The following CCNJL variants were observed in gnomAD, a reference collection of about 807,000 sequenced individuals.
The protein encoded by CCNJL is cyclin J like, also known as cyclin-J-like protein.
In CCNJL, 33 loss-of-function variants were observed where a neutral mutation model predicts 33.4. That is an observed-to-expected ratio of 0.99 (90% confidence interval 0.75 to 1.32). The LOEUF (loss-of-function observed/expected upper bound fraction) is 1.32, where lower values mean the gene tolerates loss of function less well. Ranked by LOEUF, CCNJL falls within the 40% of genes most tolerant of loss-of-function variation. CCNJL has a pLI of 0.00. For synonymous variants in CCNJL, 227 were observed against 220.9 expected, an observed-to-expected ratio of 1.03 and a Z score of -0.24; for missense variants, 512 against 499.7, an observed-to-expected ratio of 1.02 and a Z score of -0.23.
At chr5:160,299,434 G>A (rs1490894023) in intron 2 of CCNJL, among the ~76,000 whole-genome samples, 1 of 152,034 alleles carries the variant, frequency 6.6e-6, no homozygotes, top group Non-Finnish European at 1.5e-5. Context: ...TTATAGAAGT[G>A]AGCCACCATG....
intron 2 of CCNJL, among the ~76,000 whole-genome samples, chr5:160,298,143 A>C (rs7704859): frequency 0.086 from 13,106 of 152,190 alleles, 1,920 homozygotes; most frequent in African/African-American, 0.3. Context: ...ACCCCTCAGA[A>C]GCCATTTTTC....
chr5:160,306,951 G>C (rs548844190), intron 2 of CCNJL, among the ~76,000 whole-genome samples: 41 of 152,328 alleles, frequency 2.7e-4, no homozygotes, highest in African/African-American at 7.5e-4. Context: ...TACCTGACAG[G>C]AGAACATGCA....
intron 3 of CCNJL, among the ~76,000 whole-genome samples, chr5:160,269,271 C>T (rs1300921373): frequency 1.3e-5 from 2 of 152,186 alleles, no homozygotes; most frequent in Non-Finnish European, 2.9e-5. Flanking sequence ...CCGCTTTACA[C>T]GTGACCCAAA....
At chr5:160,269,871 C>T (rs796090456) in intron 3 of CCNJL, among the ~76,000 whole-genome samples, 20 of 152,312 alleles carry the variant, frequency 1.3e-4, no homozygotes, top group African/African-American at 4.8e-4. Flanking sequence ...TAGGCACATC[C>T]GAGCTGTATG....
At chr5:160,273,799 A>G (rs1190019162) in intron 3 of CCNJL, among the ~76,000 whole-genome samples, 1 of 151,872 alleles carries the variant, frequency 6.6e-6, no homozygotes, top group Non-Finnish European at 1.5e-5. Flanking sequence ...GGTGCCCACC[A>G]CCACAACCGG....
Position 160,264,542 on chromosome 5 carries a change from C to CT in CCNJL, c.281-4772dup, listed in dbSNP as rs879715097. Among the ~76,000 whole-genome samples the CT allele has an allele frequency of 1.3e-3, 190 of 144,756 alleles. No individual in the cohort carries two copies. In the South Asian group the frequency reaches 0.016, roughly 12 times the overall value. 95.0% of individuals were successfully genotyped at this position (144,756 alleles called of 152,430 possible). ...GCTGTGGATCCAGCTTACAGACTGG[C>CT]TTTTTTTTTTTTAATTAGAAAAAAC... On this transcript the variant is annotated intron_variant, in intron 3 of 5. Coordinates refer to ENST00000257536, the MANE Select transcript of CCNJL (RefSeq NM_001308173.3).
At chr5:160,274,445 T>G (rs1761941507) in intron 3 of CCNJL, among the ~76,000 whole-genome samples, 2 of 151,000 alleles carry the variant, frequency 1.3e-5, no homozygotes, top group Non-Finnish European at 2.9e-5. Context: ...GGTGACAGAG[T>G]GAGACCTCGT....
intron 2 of CCNJL, 189 bp from the exon 3 acceptor site, chr5:160,280,927 A>G: frequency 1.4e-6 from 1 of 691,714 alleles, no homozygotes; most frequent in Non-Finnish European, 2.6e-6. Context: ...CACTAAGCAC[A>G]GGCTCATAAA....
In CCNJL at chr5:160,252,040, G is replaced by C. The variant is rs991751766; in HGVS notation, c.*1338C>G. Reference sequence around the variant, plus strand: ...GCAAGGGGCTAAGGAATCCAAGACAGGTATTCCTCAAACAAAACAAAAATT... The same window carrying C: ...GCAAGGGGCTAAGGAATCCAAGACACGTATTCCTCAAACAAAACAAAAATT... On this transcript the variant is annotated 3_prime_UTR_variant, in exon 6 of 6. Transcript: ENST00000257536. The C allele has an allele frequency of 1.3e-5, 2 of 152,560 alleles. No individual in the cohort carries two copies. Among genetic ancestry groups the C allele is most frequent in the African/African-American group, 4.8e-5 (2 of 41,464 alleles). The allele number at this position is 152,560 out of a possible 1,614,324, so 9.5% of individuals were successfully genotyped here. A position where few individuals can be genotyped will look rare whatever the true frequency, so the allele number is the denominator to read the frequency against.
chr5:160,324,332 G>A (rs750018594), intron 1 of CCNJL, among the ~76,000 whole-genome samples: 5 of 151,764 alleles, frequency 3.3e-5, no homozygotes, highest in Non-Finnish European at 7.4e-5. Flanking sequence ...CAGCACTTTG[G>A]GAGGCCGAGG....
chr5:160,254,042 C>T, intron 5 of CCNJL: 1 of 470,072 alleles, frequency 2.1e-6, no homozygotes, highest in Non-Finnish European at 3.7e-6. Flanking sequence ...CCAGACTAGG[C>T]TGGCTGTCCC....
At chr5:160,288,960 C>T (rs1267380779) in intron 2 of CCNJL, among the ~76,000 whole-genome samples, 2 of 152,120 alleles carry the variant, frequency 1.3e-5, no homozygotes, top group South Asian at 4.1e-4. Context: ...CATAAAATGC[C>T]ATAGCGATCT....
chr5:160,255,712 A>G lies in CCNJL; in HGVS notation c.584-4T>C, dbSNP rs973391907. Reference sequence around the variant, plus strand: ...TGGAATTTGTAGAATATGTGATCTGAAAGAAAGCCACGGAGGGAGTCAGCA... The same window carrying G: ...TGGAATTTGTAGAATATGTGATCTGGAAGAAAGCCACGGAGGGAGTCAGCA... On this transcript the variant is annotated splice_region_variant and splice_polypyrimidine_tract_variant and intron_variant, in intron 4 of 5. Transcript: ENST00000257536. 19 of 1,613,240 alleles carry G rather than the reference A, an allele frequency of 1.2e-5. No homozygotes were observed. Among genetic ancestry groups the G allele is most frequent in the Non-Finnish European group, 1.5e-5 (18 of 1,179,948 alleles).
chr5:160,279,094 C>G (rs1223196320), intron 3 of CCNJL, among the ~76,000 whole-genome samples: 2 of 152,164 alleles, frequency 1.3e-5, no homozygotes, highest in Admixed American at 1.3e-4. Flanking sequence ...ATTCTGAAAA[C>G]TCTAAATCTG....
At chr5:160,274,775 TG>T (rs1761953782) in intron 3 of CCNJL, 1 of 152,450 alleles carries the variant, frequency 6.6e-6, no homozygotes, top group Non-Finnish European at 1.5e-5. Flanking sequence ...CAACAGGCAG[TG>T]GGCCAGGGGC....
At chr5:160,286,978 G>A (rs547107234) in intron 2 of CCNJL, among the ~76,000 whole-genome samples, 2 of 152,134 alleles carry the variant, frequency 1.3e-5, no homozygotes, top group East Asian at 1.9e-4. Context: ...AATATGTATC[G>A]AATAAGAAAG....
Position 160,277,677 on chromosome 5 carries a change from C to A in CCNJL, c.280+2848G>T, listed in dbSNP as rs181978033. ...CGCAGACATGGGTCCCTGGCTGAGC[C>A]CTGTTGGACGGGGCAGAAGGGGCTG... On this transcript the variant is annotated intron_variant, in intron 3 of 5. Transcript: ENST00000257536. Among the ~76,000 whole-genome samples, 5 of 152,064 alleles carry A rather than the reference C, an allele frequency of 3.3e-5. No individual in the cohort carries two copies. In the East Asian group the frequency reaches 9.7e-4, roughly 29 times the overall value.
At chr5:160,312,648 G>A (rs1314259698), upstream of CCNJL, 1 of 151,652 alleles carries the variant, frequency 6.6e-6, no homozygotes, top group African/African-American at 2.4e-5. Context: ...GCGCCCCGCG[G>A]GGCGGGGGGC....
chr5:160,308,461 C>G (rs12657467), intron 2 of CCNJL, among the ~76,000 whole-genome samples: 1 of 152,006 alleles, frequency 6.6e-6, no homozygotes, highest in Non-Finnish European at 1.5e-5. Flanking sequence ...AGCAAACAAA[C>G]GAAAAATAAC....
Sources: gnomAD v4.1 joint callset for allele counts (sites outside exome capture counted in the v4.1 genomes callset) on GRCh38, gnomAD v4.1.1 for gene constraint, MANE v1.5 for transcripts, NCBI Gene and HGNC (gene_info 2026-07-23, HGNC 2026-07-21) for gene names.